PHLPP2: variants seen among roughly 807,000 people sequenced by gnomAD.
The protein encoded by PHLPP2 is PH domain and leucine rich repeat protein phosphatase 2, also known as PH domain leucine-rich repeat-containing protein phosphatase 2.
PHLPP2 carries 66 observed loss-of-function variants against 124.9 expected under a neutral mutation model. The ratio of observed to expected loss-of-function variants is 0.53; its 90% CI spans 0.43 to 0.65. PHLPP2 has a LOEUF of 0.65. PHLPP2 is among the 30% of genes least tolerant of loss of function. The pLI is 0.00. For missense variants in PHLPP2, 1,685 were observed against 1,600.4 expected (o/e 1.05, Z -0.90); for synonymous variants, 681 against 624.7 (o/e 1.09, Z -1.34).
rs368469959 is a variant in PHLPP2, at chr16:71,649,495, T to A, written c.3367A>T (p.Thr1123Ser). Residue 1123 changes from threonine to serine, a missense_variant, in exon 19 of 19, where the codon ACA becomes TCA. Physicochemically the swap from Thr to Ser is moderately conservative, Grantham distance 58. Coordinates refer to ENST00000568954, the MANE Select transcript of PHLPP2 (RefSeq NM_015020.3). Reference sequence around the variant, plus strand: ...CGCTGAAACAGCCCAGAGGTGGGTGTTGGGTGGAGGCTGCAGCGCCGCTCT... The same window carrying A: ...CGCTGAAACAGCCCAGAGGTGGGTGATGGGTGGAGGCTGCAGCGCCGCTCT... ...RPERRCSLHP[T>S]PTSGLFQRQP... 4.3e-6 allele frequency: 7 copies of A among 1,614,006 alleles called. No individual in the cohort carries two copies. The highest frequency in any genetic ancestry group is 5.9e-6 in the Non-Finnish European group (7 of 1,179,974).
chr16:71,681,760 G>T lies in PHLPP2; in HGVS notation c.881C>A (p.Thr294Lys). Residue 294 changes from threonine to lysine, a missense_variant, in exon 6 of 19, where the codon ACA becomes AAA. Thr to Lys is a moderately conservative substitution (Grantham distance 78). Coordinates refer to ENST00000568954, the MANE Select transcript of PHLPP2 (RefSeq NM_015020.3). ...MQLERPGGLDTLYKFSQLKGL... is the reference protein window; with the variant it reads ...MQLERPGGLDKLYKFSQLKGL... ...CCCATTCTCCACATACTTGTAGAGT[G>T]TATCGAGGCCTCCGGGTCTTTCTAA... The T allele has an allele frequency of 6.2e-7, 1 of 1,612,858 alleles. No homozygotes were observed. Among genetic ancestry groups the T allele is most frequent in the Non-Finnish European group, 8.5e-7 (1 of 1,179,326 alleles).
At chr16:71,691,642 T>C (rs1474430183) in intron 3 of PHLPP2, among the ~76,000 whole-genome samples, 8 of 152,108 alleles carry the variant, frequency 5.3e-5, no homozygotes, top group Non-Finnish European at 1.0e-4. Context: ...ATTTTGTACA[T>C]AATCCTCCAT....
chr16:71,714,622 A>G lies in PHLPP2; in HGVS notation c.174T>C (p.Ser58=), dbSNP rs1567630635. 1 of 1,613,850 alleles carries G rather than the reference A, an allele frequency of 6.2e-7. No homozygotes were observed. Among genetic ancestry groups the G allele is most frequent in the Admixed American group, 1.7e-5 (1 of 60,008 alleles). The part of the protein sequence containing the change: ...TTSSSSSSSS[S]SSDLHLVLCT... ...AAAGGACGAGATGTAAGTCAGAGGA[A>G]GAGGAGGAGGAGGAAGAGGAAGAGG... is the stretch of plus-strand genomic sequence containing the variant. Residue 58 remains serine, a synonymous_variant, in exon 2 of 19, where the codon TCT becomes TCC. Coordinates refer to ENST00000568954, the MANE Select transcript of PHLPP2 (RefSeq NM_015020.3).
intron 15 of PHLPP2, 49 bp from the exon 16 acceptor site, chr16:71,656,730 A>G (rs763942305): frequency 5.4e-6 from 6 of 1,116,172 alleles, no homozygotes; most frequent in Non-Finnish European, 8.1e-6. Context: ...TGTATTTTAC[A>G]AAAACTATCC....
intron 3 of PHLPP2, among the ~76,000 whole-genome samples, chr16:71,694,718 A>G (rs968474129): frequency 5.9e-5 from 9 of 152,168 alleles, no homozygotes; most frequent in Admixed American, 1.3e-4. Context: ...TAAAAATATG[A>G]AATAATTCTC....
chr16:71,698,591 C>G (rs2045197619), intron 3 of PHLPP2: 1 of 621,676 alleles, frequency 1.6e-6, no homozygotes, highest in Admixed American at 1.9e-5. Context: ...TCCCTTAGAG[C>G]AACCCATACA....
chr16:71,659,480 A>G (rs1377869806), intron 13 of PHLPP2, among the ~76,000 whole-genome samples: 1 of 152,002 alleles, frequency 6.6e-6, no homozygotes, highest in Admixed American at 6.6e-5. Context: ...CAAACTCCCA[A>G]CCTCAGGTGA....
chr16:71,695,537 C>T (rs989704844), intron 3 of PHLPP2, among the ~76,000 whole-genome samples: 4 of 151,948 alleles, frequency 2.6e-5, no homozygotes, highest in Admixed American at 6.6e-5. Context: ...GGTGAAACCC[C>T]GCCTCTACTA....
In PHLPP2 at chr16:71,648,713, G is replaced by C. The variant is rs2044670628; in HGVS notation, c.*177C>G. 2 of 593,740 alleles carry C rather than the reference G, an allele frequency of 3.4e-6. No individual in the cohort carries two copies. Among genetic ancestry groups the C allele is most frequent in the East Asian group, 5.5e-5 (2 of 36,290 alleles). 36.8% of individuals were successfully genotyped at this position (593,740 alleles called of 1,614,324 possible). On this transcript the variant is annotated 3_prime_UTR_variant, in exon 19 of 19. Transcript: ENST00000568954. ...CTTGAACCCAGGGACAGAGGCTGCA[G>C]TGACCCGAGACCCCACCATTGCACT...
At chr16:71,667,518 C>T (rs2044850020) in intron 11 of PHLPP2, among the ~76,000 whole-genome samples, 185 bp from the exon 12 acceptor site, 1 of 152,114 alleles carries the variant, frequency 6.6e-6, no homozygotes, top group African/African-American at 2.4e-5. Context: ...TACCACCCAC[C>T]AGGAAGTCAT....
At chr16:71,660,957 T>C (rs986737601) in intron 13 of PHLPP2, among the ~76,000 whole-genome samples, 1 of 152,208 alleles carries the variant, frequency 6.6e-6, no homozygotes. Flanking sequence ...GGATTTATTA[T>C]TTAGTACAGA....
At chr16:71,672,233 C>A in intron 10 of PHLPP2, 29 bp downstream of exon 10, 1 of 1,576,102 alleles carries the variant, frequency 6.3e-7, no homozygotes, top group Non-Finnish European at 8.7e-7. Context: ...TAGTAAGAAG[C>A]AAGCGCCACC....
intron 12 of PHLPP2, among the ~76,000 whole-genome samples, chr16:71,665,112 A>C (rs938521932): frequency 6.6e-6 from 1 of 152,148 alleles, no homozygotes; most frequent in Admixed American, 6.5e-5. Context: ...GATGGTTAAC[A>C]TCCTGGCCAA....
rs986081024 is a variant in PHLPP2 at position 71,647,150 on chromosome 16, T to C, written c.*1740A>G. ...ACTTTATTTTTAATTGTAAAAGTGT[T>C]CCAAAAATTCAAAGCACATTCCCCA... On this transcript the variant is annotated 3_prime_UTR_variant, in exon 19 of 19. Transcript: ENST00000568954. 1 of 152,620 alleles carries C rather than the reference T, an allele frequency of 6.6e-6. No homozygotes were observed. The highest frequency in any genetic ancestry group is 2.4e-5 in the African/African-American group (1 of 41,442). The allele number at this position is 152,620 out of a possible 1,614,324, so 9.5% of individuals were successfully genotyped here.
chr16:71,699,989 C>T lies in PHLPP2; in HGVS notation c.418+2609G>A, dbSNP rs369410135. On this transcript the variant is annotated intron_variant, in intron 3 of 18. Coordinates refer to ENST00000568954, the MANE Select transcript of PHLPP2 (RefSeq NM_015020.3). ...TCCAATCAGCTAGCCAGTTCACGCA[C>T]TCATTCACCTGCGCATTCCCTCCCA... Among the ~76,000 whole-genome samples the T allele has an allele frequency of 3.2e-4, 49 of 152,356 alleles. No individual in the cohort carries two copies. The South Asian group carries it at 9.5e-3, about 30-fold the overall frequency.
intron 2 of PHLPP2, among the ~76,000 whole-genome samples, chr16:71,704,297 G>A (rs1208215939): frequency 8.4e-6 from 1 of 118,950 alleles, no homozygotes; most frequent in Non-Finnish European, 1.6e-5. Context: ...GCGACAGTGA[G>A]ACTCTGTCTC....
At chr16:71,697,607 G>A (rs1280152380) in intron 3 of PHLPP2, among the ~76,000 whole-genome samples, 1 of 152,104 alleles carries the variant, frequency 6.6e-6, no homozygotes, top group Non-Finnish European at 1.5e-5. Context: ...TTTTGCGTCT[G>A]GCTTCTGATG....
intron 4 of PHLPP2, among the ~76,000 whole-genome samples, chr16:71,689,682 G>A (rs1469214392): frequency 2.0e-5 from 3 of 151,876 alleles, no homozygotes; most frequent in African/African-American, 7.3e-5. Context: ...ACAGGCACGA[G>A]CCACCGCACC....
At chr16:71,652,116 T>G (rs114998283) in intron 18 of PHLPP2, among the ~76,000 whole-genome samples, 8 of 152,180 alleles carry the variant, frequency 5.3e-5, no homozygotes, top group Non-Finnish European at 1.2e-4. Context: ...GAGAAAATAT[T>G]TGCAAAACAG....
Sources: gnomAD v4.1 joint callset for allele counts (sites outside exome capture counted in the v4.1 genomes callset) on GRCh38, gnomAD v4.1.1 for gene constraint, MANE v1.5 for transcripts, NCBI Gene and HGNC (gene_info 2026-07-23, HGNC 2026-07-21) for gene names.